Variants in CLXN observed in about 807,000 individuals in gnomAD.
CLXN encodes calaxin.
chr8:48,732,561 C>T, the CLXN span, among the ~76,000 whole-genome samples: 1 of 152,132 alleles, frequency 6.6e-6, no homozygotes, highest in Non-Finnish European at 1.5e-5. Context: ...CTGTGGAAAA[C>T]AGTATGATAG....
the CLXN span, chr8:48,728,967 A>G: frequency 2.0e-6 from 2 of 998,320 alleles, no homozygotes; most frequent in Non-Finnish European, 3.0e-6. Flanking sequence ...CTGATCCACT[A>G]CCCATTAAAT....
At chr8:48,724,613 G>A in the CLXN span, 486 of 646,424 alleles carry the variant, frequency 7.5e-4, no homozygotes, top group Non-Finnish European at 9.5e-4. Flanking sequence ...AATGATATAT[G>A]TAAGTGAACC....
chr8:48,725,661 G>A, the CLXN span, among the ~76,000 whole-genome samples: 8 of 152,040 alleles, frequency 5.3e-5, no homozygotes, highest in African/African-American at 1.4e-4. Flanking sequence ...AAAATTATCC[G>A]GGCGTGGTGG....
the CLXN span, chr8:48,724,001 T>A: frequency 0.01 from 1,528 of 152,320 alleles, 16 homozygotes; most frequent in Non-Finnish European, 0.014. Flanking sequence ...TCAGTACATG[T>A]TCTCCCTCTG....
the CLXN span, among the ~76,000 whole-genome samples, chr8:48,734,926 C>G: frequency 6.6e-5 from 10 of 152,126 alleles, no homozygotes; most frequent in Admixed American, 5.9e-4. Context: ...GCTGGCACCC[C>G]GGGATTCCCT....
At chr8:48,730,346 G>C in the CLXN span, among the ~76,000 whole-genome samples, 3 of 152,044 alleles carry the variant, frequency 2.0e-5, no homozygotes, top group Non-Finnish European at 4.4e-5. Context: ...AATCACTTGA[G>C]TTTTCTTTTT....
chr8:48,712,990 C>CAA, the CLXN span, among the ~76,000 whole-genome samples: 482 of 99,496 alleles, frequency 4.8e-3, 7 homozygotes, highest in African/African-American at 0.022. Context: ...ACTCCTCTGT[C>CAA]AAAAAAAAAA....
chr8:48,721,439 C>A, the CLXN span, among the ~76,000 whole-genome samples: 1 of 152,102 alleles, frequency 6.6e-6, no homozygotes, highest in Non-Finnish European at 1.5e-5. Flanking sequence ...GCATTCTTCA[C>A]AGAAATAGAA....
chr8:48,729,777 A>G, the CLXN span: 4 of 1,613,626 alleles, frequency 2.5e-6, no homozygotes, highest in African/African-American at 5.3e-5. Flanking sequence ...GGTCTTCCTC[A>G]GATGGCTGTT....
the CLXN span, among the ~76,000 whole-genome samples, chr8:48,727,227 CA>C: frequency 7.1e-6 from 1 of 141,514 alleles, no homozygotes; most frequent in Non-Finnish European, 1.5e-5. Flanking sequence ...TCCATCCATC[CA>C]TCCATCCATC....
At chr8:48,728,284 C>T in the CLXN span, among the ~76,000 whole-genome samples, 1 of 152,014 alleles carries the variant, frequency 6.6e-6, no homozygotes, top group African/African-American at 2.4e-5. Context: ...CTTTCTTTCT[C>T]TCTCTCTATC....
chr8:48,717,434 T>C, the CLXN span, among the ~76,000 whole-genome samples: 3 of 152,108 alleles, frequency 2.0e-5, no homozygotes, highest in Admixed American at 6.5e-5. Context: ...ATACTATACC[T>C]GCAAAATTAT....
At chr8:48,717,400 T>TA in the CLXN span, among the ~76,000 whole-genome samples, 6 of 151,402 alleles carry the variant, frequency 4.0e-5, no homozygotes, top group African/African-American at 2.4e-5. Context: ...TGAAAGAAAA[T>TA]AAAAAAAACC....
chr8:48,730,566 C>G, the CLXN span: 1 of 1,610,318 alleles, frequency 6.2e-7, no homozygotes, highest in Non-Finnish European at 8.5e-7. Flanking sequence ...CAAAGATCCT[C>G]GAAGAAACAG....
the CLXN span, among the ~76,000 whole-genome samples, chr8:48,726,038 C>T: frequency 2.2e-5 from 3 of 137,222 alleles, no homozygotes; most frequent in South Asian, 5.4e-4. Context: ...CATCCATCTA[C>T]CCACCCACCT....
chr8:48,731,464 T>C, the CLXN span: 1 of 1,612,968 alleles, frequency 6.2e-7, no homozygotes, highest in Non-Finnish European at 8.5e-7. Context: ...CACCAAGTCA[T>C]AAAAAAGCTT....
the CLXN span, among the ~76,000 whole-genome samples, chr8:48,712,806 C>T: frequency 1.8e-3 from 277 of 152,134 alleles, 2 homozygotes; most frequent in African/African-American, 6.4e-3. Flanking sequence ...TGAGACCAGC[C>T]TGACCAACAT....
the CLXN span, chr8:48,731,413 C>T: frequency 1.3e-4 from 208 of 1,613,278 alleles, no homozygotes; most frequent in Non-Finnish European, 1.5e-4. Flanking sequence ...AAATGCATTA[C>T]GATCCAGTCC....
the CLXN span, among the ~76,000 whole-genome samples, chr8:48,714,367 A>G: frequency 6.6e-6 from 1 of 152,248 alleles, no homozygotes; most frequent in Non-Finnish European, 1.5e-5. Context: ...GCAGTTTATG[A>G]TGAACGGCAG....
Sources: gnomAD v4.1 joint callset for allele counts (sites outside exome capture counted in the v4.1 genomes callset) on GRCh38, gnomAD v4.1.1 for gene constraint, MANE v1.5 for transcripts, NCBI Gene and HGNC (gene_info 2026-07-23, HGNC 2026-07-21) for gene names.